Variants in DISC1 observed in about 807,000 individuals in gnomAD.
DISC1 encodes disrupted in schizophrenia 1 protein.
In DISC1, 57 loss-of-function variants were observed where a neutral mutation model predicts 84.5. The ratio of observed to expected loss-of-function variants is 0.67; its 90% CI spans 0.55 to 0.84. DISC1 has a LOEUF of 0.84. Ranked by LOEUF, DISC1 falls within the 40% of genes least tolerant of loss-of-function variation. DISC1 has a pLI of 0.00. For missense variants in DISC1, 1,000 were observed against 1,057.8 expected, an observed-to-expected ratio of 0.95 and a Z score of 0.76; for synonymous variants, 411 against 415.2, an observed-to-expected ratio of 0.99 and a Z score of 0.12.
chr1:232,007,087 A>T (rs1572609933), intron 10 of DISC1, among the ~76,000 whole-genome samples: 1 of 152,160 alleles, frequency 6.6e-6, no homozygotes, highest in African/African-American at 2.4e-5. Context: ...ATTTCAGAGG[A>T]TGTATGGAAA....
intron 3 of DISC1, among the ~76,000 whole-genome samples, chr1:231,727,433 G>C (rs964967721): frequency 4.1e-4 from 62 of 152,114 alleles, no homozygotes; most frequent in Non-Finnish European, 1.5e-4. Flanking sequence ...AGGACAGAGA[G>C]CGAGTTTAGG....
chr1:231,766,332 A>G (rs1040123734), intron 4 of DISC1, among the ~76,000 whole-genome samples: 3 of 151,712 alleles, frequency 2.0e-5, no homozygotes, highest in African/African-American at 7.3e-5. Flanking sequence ...AAGTTAATCA[A>G]GTGAAAATTC....
At chr1:231,788,004 C>T (rs915835548) in intron 6 of DISC1, among the ~76,000 whole-genome samples, 8 of 152,194 alleles carry the variant, frequency 5.3e-5, no homozygotes, top group African/African-American at 1.2e-4. Context: ...AAGAATCAGC[C>T]GGGCGCAGTG....
intron 1 of DISC1, among the ~76,000 whole-genome samples, chr1:231,635,636 T>C (rs1215609046): frequency 6.6e-6 from 1 of 152,222 alleles, no homozygotes; most frequent in East Asian, 1.9e-4. Flanking sequence ...ACCAAACTCT[T>C]AATTATATTT....
intron 4 of DISC1, among the ~76,000 whole-genome samples, chr1:231,757,361 G>A (rs2075249523): frequency 6.6e-6 from 1 of 152,082 alleles, no homozygotes; most frequent in African/African-American, 2.4e-5. Flanking sequence ...ATTTAGTTTA[G>A]GATAAGATTT....
chr1:232,018,328 T>C (rs891070753), intron 11 of DISC1, among the ~76,000 whole-genome samples: 4 of 152,178 alleles, frequency 2.6e-5, no homozygotes, highest in African/African-American at 9.7e-5. Flanking sequence ...CCACATGTCA[T>C]AGGGAAAGAC....
At chr1:231,736,646 A>C (rs1306270334) in intron 3 of DISC1, among the ~76,000 whole-genome samples, 1 of 152,224 alleles carries the variant, frequency 6.6e-6, no homozygotes, top group East Asian at 1.9e-4. Context: ...TCTGAAATAC[A>C]TTTTATTACA....
chr1:231,836,939 C>T (rs1007842377), intron 9 of DISC1, among the ~76,000 whole-genome samples: 1 of 152,118 alleles, frequency 6.6e-6, no homozygotes, highest in Non-Finnish European at 1.5e-5. Context: ...TGGCACTTGA[C>T]CTGATGCTGG....
intron 8 of DISC1, among the ~76,000 whole-genome samples, chr1:231,816,825 A>G (rs914761114): frequency 1.3e-5 from 2 of 152,102 alleles, no homozygotes; most frequent in Admixed American, 1.3e-4. Flanking sequence ...TCTTGAAACC[A>G]AGACTCACTT....
intron 9 of DISC1, among the ~76,000 whole-genome samples, chr1:231,887,996 C>T (rs1293762446): frequency 1.3e-5 from 2 of 152,208 alleles, no homozygotes; most frequent in African/African-American, 4.8e-5. Flanking sequence ...TGTCAGCGAG[C>T]AAAGCAAGTT....
intron 9 of DISC1, among the ~76,000 whole-genome samples, chr1:231,856,259 CTG>C (rs1182688105): frequency 6.6e-6 from 1 of 151,962 alleles, no homozygotes; most frequent in Admixed American, 6.6e-5. Flanking sequence ...AGGGCAGAAA[CTG>C]TGCAATGAAG....
At chr1:231,718,260 C>A (rs1362124668) in intron 3 of DISC1, among the ~76,000 whole-genome samples, 2 of 152,258 alleles carry the variant, frequency 1.3e-5, no homozygotes, top group Admixed American at 6.5e-5. Context: ...AACCAGTCTT[C>A]TTTCTAAAAC....
intron 9 of DISC1, among the ~76,000 whole-genome samples, chr1:231,847,571 C>T (rs1046866264): frequency 2.0e-5 from 3 of 152,192 alleles, no homozygotes; most frequent in Non-Finnish European, 2.9e-5. Context: ...AAGACCTCAC[C>T]GGACCCTTCT....
intron 4 of DISC1, among the ~76,000 whole-genome samples, chr1:231,766,899 T>C (rs1424640181): frequency 6.6e-6 from 1 of 152,158 alleles, no homozygotes. Context: ...GGGGCTACCT[T>C]ATCAGACAGT....
At chr1:231,833,080 G>A (rs1042409855) in intron 9 of DISC1, among the ~76,000 whole-genome samples, 1 of 148,966 alleles carries the variant, frequency 6.7e-6, no homozygotes, top group African/African-American at 2.5e-5. Flanking sequence ...AGAGGAGGAC[G>A]CAAAGGAGGC....
intron 9 of DISC1, chr1:231,854,967 C>T: frequency 9.7e-7 from 1 of 1,026,906 alleles, no homozygotes; most frequent in South Asian, 1.8e-5. Context: ...CCACCTTCCT[C>T]AGCCTCCCAA....
At chr1:231,707,526 C>T (rs1449499955) in intron 3 of DISC1, among the ~76,000 whole-genome samples, 1 of 152,152 alleles carries the variant, frequency 6.6e-6, no homozygotes, top group African/African-American at 2.4e-5. Context: ...ATGAGACTCA[C>T]TACATCCTTA....
At position 231,872,686 on chromosome 1, in the gene DISC1, T is replaced by G. The variant is rs2085554423; in HGVS notation, c.1981+54169T>G. Among the ~76,000 whole-genome samples, 4 of 152,230 alleles carry G rather than the reference T, an allele frequency of 2.6e-5. 1 individual carries two copies. The South Asian group carries it at 8.3e-4, about 32-fold the overall frequency. On this transcript the variant is annotated intron_variant, in intron 9 of 12. Transcript: ENST00000439617. ...CTGTTCTTAAAAAAAAAAAATCAACTGAGTTTTATTTTAAACCAATCCAGA... is the reference window on the plus strand; with the variant it reads ...CTGTTCTTAAAAAAAAAAAATCAACGGAGTTTTATTTTAAACCAATCCAGA...
intron 9 of DISC1, among the ~76,000 whole-genome samples, chr1:231,941,838 G>T (rs1436901697): frequency 6.6e-6 from 1 of 152,192 alleles, no homozygotes; most frequent in African/African-American, 2.4e-5. Flanking sequence ...TAAAAGGACT[G>T]CAGAGGCACC....
Sources: gnomAD v4.1 joint callset for allele counts (sites outside exome capture counted in the v4.1 genomes callset) on GRCh38, gnomAD v4.1.1 for gene constraint, MANE v1.5 for transcripts, NCBI Gene and HGNC (gene_info 2026-07-23, HGNC 2026-07-21) for gene names.